Variants in PTPRR observed in about 807,000 individuals in gnomAD.
PTPRR encodes receptor-type tyrosine-protein phosphatase R.
In PTPRR, 38 loss-of-function variants were observed where a neutral mutation model predicts 77.2. The observed-to-expected ratio is 0.49, with a 90% CI of 0.38 to 0.65. The LOEUF is 0.65. Ranked by LOEUF, PTPRR falls within the 30% of genes least tolerant of loss-of-function variation. The pLI, the probability that PTPRR is intolerant of heterozygous loss-of-function variation, is 0.00. For missense variants in PTPRR, 744 were observed against 799.2 expected (o/e 0.93, Z 0.83); for synonymous variants, 299 against 283.1 (o/e 1.06, Z -0.57).
At chr12:70,751,613 G>C (rs1445827019) in intron 5 of PTPRR, among the ~76,000 whole-genome samples, 4 of 152,040 alleles carry the variant, frequency 2.6e-5, no homozygotes, top group African/African-American at 9.7e-5. Context: ...AACATCTCAG[G>C]TTGCTCTGCT....
At chr12:70,641,242 T>C (rs1261726227) in intron 13 of PTPRR, among the ~76,000 whole-genome samples, 1 of 152,210 alleles carries the variant, frequency 6.6e-6, no homozygotes, top group African/African-American at 2.4e-5. Context: ...CAGGGCACCA[T>C]TACTCCCTCT....
In PTPRR at chr12:70,920,327, C is replaced by G. The variant is rs1692411912; in HGVS notation, c.58+6G>C. The G allele has an allele frequency of 1.2e-6, 2 of 1,613,216 alleles. No homozygotes were observed. The highest frequency in any genetic ancestry group is 2.7e-5 in the African/African-American group (2 of 74,864). On this transcript the variant is annotated splice_donor_region_variant and intron_variant, in intron 1 of 13. Coordinates refer to ENST00000283228, the MANE Select transcript of PTPRR (RefSeq NM_002849.4). Reference sequence around the variant, plus strand: ...AGCTCCGGCTCTAAGCCTGGCAACCCCTTACCTGCAGCGTGAAGATTAAGG... The same window carrying G: ...AGCTCCGGCTCTAAGCCTGGCAACCGCTTACCTGCAGCGTGAAGATTAAGG...
intron 2 of PTPRR, among the ~76,000 whole-genome samples, chr12:70,835,206 T>C (rs1411284811): frequency 6.6e-6 from 1 of 152,146 alleles, no homozygotes; most frequent in Non-Finnish European, 1.5e-5. Flanking sequence ...AGATTGCTTT[T>C]ATGATTAAAA....
chr12:70,906,799 CAA>C (rs1233431650), intron 1 of PTPRR: 1 of 151,878 alleles, frequency 6.6e-6, no homozygotes, highest in African/African-American at 2.4e-5. Flanking sequence ...CATTTTGTTA[CAA>C]AAAGTTTTTT....
At chr12:70,688,294 A>T (rs1362405915) in intron 8 of PTPRR, among the ~76,000 whole-genome samples, 1 of 152,162 alleles carries the variant, frequency 6.6e-6, no homozygotes, top group Non-Finnish European at 1.5e-5. Context: ...AATATTTATA[A>T]ATCATACCTT....
At chr12:70,778,550 A>G (rs1424259603) in intron 2 of PTPRR, among the ~76,000 whole-genome samples, 1 of 152,116 alleles carries the variant, frequency 6.6e-6, no homozygotes, top group African/African-American at 2.4e-5. Context: ...ATCTCAGCAC[A>G]TTATTTTATG....
intron 10 of PTPRR, among the ~76,000 whole-genome samples, chr12:70,676,513 T>C (rs913280063): frequency 3.9e-4 from 59 of 152,142 alleles, no homozygotes; most frequent in African/African-American, 1.4e-3. Flanking sequence ...TTTTTATTGG[T>C]TGCTTGTATG....
At chr12:70,856,586 A>G (rs747964187) in intron 2 of PTPRR, among the ~76,000 whole-genome samples, 3 of 152,198 alleles carry the variant, frequency 2.0e-5, no homozygotes, top group Non-Finnish European at 4.4e-5. Context: ...TGAGTAATAT[A>G]ATGATATTTG....
At chr12:70,699,382 G>C (rs1300599517) in intron 7 of PTPRR, among the ~76,000 whole-genome samples, 1 of 152,100 alleles carries the variant, frequency 6.6e-6, no homozygotes, top group Non-Finnish European at 1.5e-5. Context: ...CTGAAAATTT[G>C]AGAAAAGCTG....
intron 6 of PTPRR, among the ~76,000 whole-genome samples, chr12:70,712,509 C>T (rs1388680289): frequency 6.7e-6 from 1 of 149,776 alleles, no homozygotes; most frequent in Non-Finnish European, 1.5e-5. Context: ...AATCAAATAG[C>T]CATTCACTCA....
chr12:70,819,070 C>T (rs933221240), intron 2 of PTPRR, among the ~76,000 whole-genome samples: 5 of 152,172 alleles, frequency 3.3e-5, no homozygotes, highest in East Asian at 1.9e-4. Context: ...CCTGTAATCC[C>T]GGCATTTTGG....
intron 2 of PTPRR, among the ~76,000 whole-genome samples, chr12:70,884,768 A>C (rs113416093): frequency 6.9e-6 from 1 of 145,804 alleles, no homozygotes; most frequent in East Asian, 2.1e-4. Flanking sequence ...GCTACTCCGG[A>C]GGCTGAGGCC....
intron 2 of PTPRR, among the ~76,000 whole-genome samples, chr12:70,785,830 A>T (rs2137003784): frequency 6.6e-6 from 1 of 152,364 alleles, no homozygotes; most frequent in African/African-American, 2.4e-5. Flanking sequence ...AACAAACATA[A>T]TAGCAAGTTA....
rs1240856779 is a variant in PTPRR, at chr12:70,920,364, C to T, written c.27G>A (p.Ala9=). 6.2e-7 allele frequency: 1 copy of T among 1,613,776 alleles called. No homozygotes were observed. Among genetic ancestry groups the T allele is most frequent in the Non-Finnish European group, 8.5e-7 (1 of 1,179,916 alleles). MRRAVCFP[A]LCLLLNLHAA... ...CGTGAAGATTAAGGAGCAGGCACAGCGCAGGGAAGCAGACTGCTCTCCGCA... is the reference window on the plus strand; with the variant it reads ...CGTGAAGATTAAGGAGCAGGCACAGTGCAGGGAAGCAGACTGCTCTCCGCA... The change falls in exon 1 of 14, where the codon GCG becomes GCA. Residue 9 remains alanine, a synonymous_variant. Transcript: ENST00000283228.
chr12:70,788,843 A>G (rs952814484), intron 2 of PTPRR: 72 of 1,525,380 alleles, frequency 4.7e-5, no homozygotes, highest in Admixed American at 1.0e-4. Flanking sequence ...GCATGTTGTG[A>G]TGAAGTCGAC....
At chr12:70,785,979 T>C (rs899352257) in intron 2 of PTPRR, among the ~76,000 whole-genome samples, 2 of 152,186 alleles carry the variant, frequency 1.3e-5, no homozygotes, top group Non-Finnish European at 2.9e-5. Context: ...CCTTGTTCTC[T>C]TTCAGCCTCC....
intron 2 of PTPRR, among the ~76,000 whole-genome samples, chr12:70,841,575 T>C (rs1397893855): frequency 6.6e-6 from 1 of 152,126 alleles, no homozygotes; most frequent in Admixed American, 6.6e-5. Flanking sequence ...ATGTTTAATA[T>C]TGTAAAGTAA....
At chr12:70,698,428 G>C in intron 7 of PTPRR, 79 bp from the exon 8 acceptor site, 4 of 1,242,652 alleles carry the variant, frequency 3.2e-6, no homozygotes, top group Non-Finnish European at 4.6e-6. Context: ...ATCTGATCCA[G>C]AGTTCTATTG....
intron 2 of PTPRR, among the ~76,000 whole-genome samples, chr12:70,886,893 A>C (rs1893248987): frequency 1.3e-5 from 2 of 152,246 alleles, no homozygotes; most frequent in Admixed American, 1.3e-4. Flanking sequence ...ATTGTGGAAC[A>C]TACATTATAA....
Sources: allele counts gnomAD v4.1 joint callset (sites outside exome capture counted in the v4.1 genomes callset), GRCh38; gene constraint gnomAD v4.1.1; transcripts MANE v1.5; gene names NCBI Gene and HGNC (gene_info 2026-07-23, HGNC 2026-07-21).